Variants in CRTAP observed in about 807,000 individuals in gnomAD.
CRTAP encodes cartilage associated protein, also known as cartilage-associated protein.
CRTAP carries 33 observed loss-of-function variants against 42.7 expected under a neutral mutation model. The observed-to-expected ratio is 0.77, with a 90% CI of 0.59 to 1.03. CRTAP has a LOEUF of 1.03. Ranked by LOEUF, CRTAP falls within the 50% of genes least tolerant of loss-of-function variation. The pLI is 0.00. For missense variants in CRTAP, 613 were observed against 533.9 expected (o/e 1.15, Z -1.46); for synonymous variants, 243 against 217.7 (o/e 1.12, Z -1.02).
At chr3:33,120,639 T>C in intron 2 of CRTAP, 146 bp downstream of exon 2, 1 of 1,296,158 alleles carries the variant, frequency 7.7e-7, no homozygotes, top group Non-Finnish European at 1.1e-6. Context: ...TGATTGACTT[T>C]TAGCACAAAG....
intron 6 of CRTAP, among the ~76,000 whole-genome samples, chr3:33,139,779 GA>G: frequency 6.6e-6 from 1 of 152,210 alleles, no homozygotes; most frequent in Non-Finnish European, 1.5e-5. Flanking sequence ...CACCCGGCCT[GA>G]ATGTTTTTAT....
In CRTAP at chr3:33,142,253, T is replaced by C; in HGVS notation, c.1153-142T>C. On this transcript the variant is annotated intron_variant, in intron 6 of 6. Transcript: ENST00000320954. ...CCCTCCACAGGGAGAAATCAGGTCC[T>C]CTGGGCCCCAGACCAGCAGAAAAAA... 9 of 751,692 alleles carry C rather than the reference T, an allele frequency of 1.2e-5. No individual in the cohort carries two copies. The South Asian group carries it at 1.3e-4, about 11-fold the overall frequency. The allele number at this position is 751,692 out of a possible 1,614,324, so 46.6% of individuals were successfully genotyped here.
intron 6 of CRTAP, among the ~76,000 whole-genome samples, chr3:33,140,264 G>T (rs1042821267): frequency 2.0e-5 from 3 of 152,158 alleles, no homozygotes; most frequent in African/African-American, 7.2e-5. Flanking sequence ...TAATGAACAC[G>T]CCAAGCTTAT....
rs775719763 is a variant in CRTAP, at chr3:33,129,954, T to C, written c.809T>C (p.Val270Ala). Reference sequence around the variant, plus strand: ...TTTGTTTCAGATCATTATGTAGAAGTTCTGGAATGCAAAATACAGTGTGAA... The same window carrying C: ...TTTGTTTCAGATCATTATGTAGAAGCTCTGGAATGCAAAATACAGTGTGAA... ...YLSIADHYVE[V>A]LECKIQCEEN... is the part of the protein sequence containing the mutation. Residue 270 changes from valine (V) to alanine (A), a missense_variant, in exon 4 of 7, where the codon GTT (valine) becomes GCT (alanine). Coordinates refer to ENST00000320954, the MANE Select transcript of CRTAP (RefSeq NM_006371.5). The C allele has an allele frequency of 2.5e-6, 4 of 1,613,378 alleles. No individual in the cohort carries two copies. In the African/African-American group the frequency reaches 5.3e-5, roughly 22 times the overall value.
chr3:33,124,943 AGG>A (rs2030017592), intron 3 of CRTAP, among the ~76,000 whole-genome samples: 1 of 152,242 alleles, frequency 6.6e-6, no homozygotes, highest in Admixed American at 6.5e-5. Context: ...ACACATATAA[AGG>A]TAGAATGAAC....
At position 33,132,588 on chromosome 3, in the gene CRTAP, T is replaced by C. The variant is rs1395796868; in HGVS notation, c.956T>C (p.Val319Ala). ...CTGAAGAATGCAGCCCCCTGTGCAG[T>C]CAGCTATCTGCTCTTTGATCAGAAT... ...NDLKNAAPCA[V>A]SYLLFDQNDK... The change falls in exon 5 of 7, where the codon GTC becomes GCC. Residue 319 changes from valine (V) to alanine (A), a missense_variant. Transcript: ENST00000320954. The C allele has an allele frequency of 1.2e-6, 2 of 1,614,182 alleles. No individual in the cohort carries two copies. Among genetic ancestry groups the C allele is most frequent in the Non-Finnish European group, 1.7e-6 (2 of 1,179,996 alleles).
intron 5 of CRTAP, among the ~76,000 whole-genome samples, chr3:33,133,777 A>G (rs1272676858): frequency 6.6e-6 from 1 of 152,214 alleles, no homozygotes; most frequent in African/African-American, 2.4e-5. Context: ...CGGATGGACC[A>G]TCATTTAATT....
chr3:33,115,410 C>G (rs1701331552), intron 1 of CRTAP: 1 of 152,134 alleles, frequency 6.6e-6, no homozygotes, highest in African/African-American at 2.4e-5. Flanking sequence ...TTCACTGCCT[C>G]CTTTTAATGG....
chr3:33,135,195 G>A (rs377579643), intron 6 of CRTAP, among the ~76,000 whole-genome samples: 4 of 152,210 alleles, frequency 2.6e-5, no homozygotes, highest in Non-Finnish European at 5.9e-5. Flanking sequence ...GGAAAGTGAT[G>A]CAATGCCTAT....
chr3:33,134,108 C>T (rs2030350695), intron 5 of CRTAP, 74 bp from the exon 6 acceptor site: 1 of 1,003,856 alleles, frequency 1.0e-6, no homozygotes, highest in African/African-American at 1.6e-5. Flanking sequence ...AACCCCATAT[C>T]CTGTTCCTCC....
intron 6 of CRTAP, among the ~76,000 whole-genome samples, chr3:33,138,287 G>A (rs1284249533): frequency 2.0e-5 from 3 of 152,106 alleles, no homozygotes; most frequent in Non-Finnish European, 4.4e-5. Context: ...GCAAAAGGCA[G>A]CTGGGATTTT....
intron 3 of CRTAP, among the ~76,000 whole-genome samples, chr3:33,125,483 C>T (rs1239225677): frequency 2.3e-5 from 2 of 85,668 alleles, no homozygotes; most frequent in African/African-American, 8.1e-5. Flanking sequence ...TCTCTTTCTA[C>T]AAAGTAGGTT....
intron 2 of CRTAP, among the ~76,000 whole-genome samples, chr3:33,122,907 C>T (rs983890294): frequency 1.3e-5 from 2 of 151,846 alleles, no homozygotes; most frequent in African/African-American, 2.4e-5. Flanking sequence ...TGTGTGTATC[C>T]AGGATCTCTA....
chr3:33,127,991 G>A (rs920994624), intron 3 of CRTAP, among the ~76,000 whole-genome samples: 48 of 150,518 alleles, frequency 3.2e-4, no homozygotes, highest in African/African-American at 8.5e-4. Context: ...CAAGTGATCC[G>A]CCCGCCTTGC....
intron 3 of CRTAP, among the ~76,000 whole-genome samples, chr3:33,127,099 CT>C (rs11302536): frequency 0.79 from 107,846 of 135,822 alleles, 42,661 homozygotes; most frequent in East Asian, 0.85. Flanking sequence ...AGATTTGTGG[CT>C]TTTTTTTTTT....
Position 33,114,451 on chromosome 3 carries a change from G to T in CRTAP, c.374G>T (p.Gly125Val). ...RAHCLKRCKQ[G>V]LPAFRQSQPS... The stretch of plus-strand genomic sequence containing the variant: ...CACTGCCTCAAGCGCTGCAAGCAGG[G>T]CCTGCCAGCCTTCCGCCAGTCCCAG... Residue 125 changes from glycine to valine, a missense_variant, in exon 1 of 7, where the codon GGC becomes GTC. Gly to Val is a moderately radical substitution (Grantham distance 109). Coordinates refer to ENST00000320954, the MANE Select transcript of CRTAP (RefSeq NM_006371.5). 1 of 1,580,578 alleles carries T rather than the reference G, an allele frequency of 6.3e-7. No individual in the cohort carries two copies. Among genetic ancestry groups the T allele is most frequent in the Admixed American group, 1.8e-5 (1 of 56,132 alleles).
chr3:33,139,141 C>G (rs2030504404), intron 6 of CRTAP, among the ~76,000 whole-genome samples: 1 of 151,266 alleles, frequency 6.6e-6, no homozygotes, highest in South Asian at 2.1e-4. Context: ...GAGACACTGT[C>G]TAAAAAAAAA....
Position 33,129,937 on chromosome 3 carries a change from A to C in CRTAP, c.794-2A>C. ...TCTGAAAATTTATATGTTTTGTTTC[A>C]GATCATTATGTAGAAGTTCTGGAAT... On this transcript the variant is annotated splice_acceptor_variant, in intron 3 of 6. Transcript: ENST00000320954. LOFTEE classifies it high-confidence loss of function. 1 of 1,612,708 alleles carries C rather than the reference A, an allele frequency of 6.2e-7. No homozygotes were observed. The highest frequency in any genetic ancestry group is 8.5e-7 in the Non-Finnish European group (1 of 1,178,768).
rs535400408 is a variant in CRTAP at position 33,137,815 on chromosome 3, G to A, written c.1152+3550G>A. On this transcript the variant is annotated intron_variant, in intron 6 of 6. Transcript: ENST00000320954. Reference sequence around the variant, plus strand: ...ATTTACTCCTGATTTTTACTCCTACGATTTTTGTAATTTTAACTCCTGCAT... The same window carrying A: ...ATTTACTCCTGATTTTTACTCCTACAATTTTTGTAATTTTAACTCCTGCAT... 8.7e-4 allele frequency among the ~76,000 whole-genome samples: 132 copies of A among 152,190 alleles called. 1 individual carries two copies. Among genetic ancestry groups the A allele is most frequent in the African/African-American group, 3.0e-3 (125 of 41,524 alleles).
Sources: gnomAD v4.1 joint callset for allele counts (sites outside exome capture counted in the v4.1 genomes callset) on GRCh38, gnomAD v4.1.1 for gene constraint, MANE v1.5 for transcripts, NCBI Gene and HGNC (gene_info 2026-07-23, HGNC 2026-07-21) for gene names.